Variants in ARHGAP15 observed in about 807,000 individuals in gnomAD.
The protein encoded by ARHGAP15 is rho GTPase-activating protein 15.
ARHGAP15 carries 51 observed loss-of-function variants against 63.7 expected under a neutral mutation model. The ratio of observed to expected loss-of-function variants is 0.80; its 90% CI spans 0.64 to 1.01. The LOEUF (loss-of-function observed/expected upper bound fraction) is 1.01, where lower values mean the gene tolerates loss of function less well. Among genes scored for constraint, ARHGAP15 ranks in the 50% least tolerant of loss-of-function variants. The pLI is 0.00. For missense variants in ARHGAP15, 560 were observed against 564.6 expected, an observed-to-expected ratio of 0.99 and a Z score of 0.08; for synonymous variants, 191 against 193.8, an observed-to-expected ratio of 0.99 and a Z score of 0.12.
intron 5 of ARHGAP15, chr2:143,237,888 T>C (rs1693716275): frequency 6.6e-6 from 1 of 152,208 alleles, no homozygotes; most frequent in African/African-American, 2.4e-5. Context: ...GTTTTTTATT[T>C]TACATTGTAC....
chr2:143,222,772 C>T (rs1365111413), intron 4 of ARHGAP15, among the ~76,000 whole-genome samples: 1 of 151,934 alleles, frequency 6.6e-6, no homozygotes, highest in African/African-American at 2.4e-5. Context: ...ATTTTTCCAA[C>T]TTCACAATTC....
At chr2:143,246,973 T>A (rs1371898914) in intron 5 of ARHGAP15, among the ~76,000 whole-genome samples, 7 of 152,182 alleles carry the variant, frequency 4.6e-5, no homozygotes, top group Non-Finnish European at 1.5e-5. Context: ...TGCCAGGTAC[T>A]GTGGAATTTG....
At chr2:143,228,452 G>A (rs1397243757) in intron 4 of ARHGAP15, 129 bp from the exon 5 acceptor site, 2 of 465,872 alleles carry the variant, frequency 4.3e-6, no homozygotes, top group Admixed American at 8.3e-5. Context: ...TTAATAAAGA[G>A]GAGACTTTTA....
rs1213736745 is a variant in ARHGAP15 at position 143,386,968 on chromosome 2, T to C, written c.475-48633T>C. Reference sequence around the variant, plus strand: ...GAGCTAAGTGATAAGAACTCATGGATACAAAGAGAAACAACAGACACTGAG... The same window carrying C: ...GAGCTAAGTGATAAGAACTCATGGACACAAAGAGAAACAACAGACACTGAG... On this transcript the variant is annotated intron_variant, in intron 6 of 13. Coordinates refer to ENST00000295095, the MANE Select transcript of ARHGAP15 (RefSeq NM_018460.4). 2.0e-5 allele frequency among the ~76,000 whole-genome samples: 3 copies of C among 152,082 alleles called. No homozygotes were observed. In the East Asian group the frequency reaches 5.8e-4, roughly 29 times the overall value.
chr2:143,659,186 T>C (rs1460272587), intron 12 of ARHGAP15, among the ~76,000 whole-genome samples: 2 of 152,198 alleles, frequency 1.3e-5, no homozygotes, highest in Non-Finnish European at 2.9e-5. Context: ...ATGTGACTTT[T>C]CTATCTTAAC....
chr2:143,471,626 C>T (rs914594756), intron 8 of ARHGAP15, among the ~76,000 whole-genome samples: 1 of 151,752 alleles, frequency 6.6e-6, no homozygotes, highest in African/African-American at 2.4e-5. Flanking sequence ...TGGGGACAGG[C>T]CTGAAGGAAG....
At chr2:143,449,552 C>T (rs548272647) in intron 8 of ARHGAP15, among the ~76,000 whole-genome samples, 75 of 152,112 alleles carry the variant, frequency 4.9e-4, no homozygotes, top group African/African-American at 1.6e-3. Context: ...TGAGCAGCAA[C>T]GTAGCTGTTT....
chr2:143,359,819 A>G, intron 6 of ARHGAP15, among the ~76,000 whole-genome samples: 1 of 152,234 alleles, frequency 6.6e-6, no homozygotes, highest in East Asian at 1.9e-4. Context: ...GACTACAATT[A>G]TATTTACAGA....
intron 6 of ARHGAP15, among the ~76,000 whole-genome samples, chr2:143,333,265 A>C (rs1027459413): frequency 2.0e-5 from 3 of 152,208 alleles, no homozygotes; most frequent in Non-Finnish European, 4.4e-5. Flanking sequence ...TACTTTCCTC[A>C]GTTAGACTGT....
chr2:143,277,843 A>G (rs1206084827), intron 6 of ARHGAP15, among the ~76,000 whole-genome samples: 1 of 152,124 alleles, frequency 6.6e-6, no homozygotes, highest in Non-Finnish European at 1.5e-5. Flanking sequence ...AGAAAAGTAC[A>G]GAGAATATTT....
At chr2:143,262,478 TTTTG>T (rs1680769900) in intron 6 of ARHGAP15, among the ~76,000 whole-genome samples, 1 of 151,778 alleles carries the variant, frequency 6.6e-6, no homozygotes, top group Non-Finnish European at 1.5e-5. Context: ...GTTTAGTCGG[TTTTG>T]TTTGTCTGAA....
intron 10 of ARHGAP15, among the ~76,000 whole-genome samples, chr2:143,542,160 G>A (rs148438350): frequency 0.022 from 3,378 of 152,280 alleles, 132 homozygotes; most frequent in African/African-American, 0.076. Flanking sequence ...CTTCGTGGGC[G>A]TAGGACCCTC....
intron 13 of ARHGAP15, among the ~76,000 whole-genome samples, chr2:143,754,038 G>T (rs10803498): frequency 0.18 from 26,658 of 151,944 alleles, 2,737 homozygotes; most frequent in East Asian, 0.45. Context: ...TGTAATTATT[G>T]TGCCAACATT....
chr2:143,337,809 C>T (rs1289686334), intron 6 of ARHGAP15, among the ~76,000 whole-genome samples: 1 of 152,046 alleles, frequency 6.6e-6, no homozygotes, highest in Non-Finnish European at 1.5e-5. Flanking sequence ...AGGTAGAATG[C>T]CATTGGCCTA....
intron 2 of ARHGAP15, among the ~76,000 whole-genome samples, chr2:143,173,246 T>G (rs1214638191): frequency 6.6e-6 from 1 of 152,104 alleles, no homozygotes; most frequent in Admixed American, 6.6e-5. Flanking sequence ...TACAAGTATT[T>G]TGGATATAAT....
At chr2:143,750,444 G>GA (rs953527961) in intron 13 of ARHGAP15, among the ~76,000 whole-genome samples, 329 of 148,930 alleles carry the variant, frequency 2.2e-3, no homozygotes, top group African/African-American at 6.6e-3. Context: ...TCAGTCTCAA[G>GA]AAAAAAAAAA....
intron 6 of ARHGAP15, among the ~76,000 whole-genome samples, chr2:143,310,880 T>A (rs1447752975): frequency 6.6e-6 from 1 of 152,048 alleles, no homozygotes; most frequent in Non-Finnish European, 1.5e-5. Context: ...ATTTTGGAAC[T>A]ATTTCATTAA....
intron 8 of ARHGAP15, among the ~76,000 whole-genome samples, chr2:143,452,646 G>A (rs1690459149): frequency 7.7e-6 from 1 of 130,670 alleles, no homozygotes; most frequent in Non-Finnish European, 1.6e-5. Context: ...CCTCAACTGT[G>A]GCCCCTTTGG....
At chr2:143,507,210 C>T (rs1693362330) in intron 9 of ARHGAP15, among the ~76,000 whole-genome samples, 1 of 152,078 alleles carries the variant, frequency 6.6e-6, no homozygotes, top group Non-Finnish European at 1.5e-5. Flanking sequence ...TCTTCATTCT[C>T]AATTAGTCCT....
Sources: allele counts gnomAD v4.1 joint callset (sites outside exome capture counted in the v4.1 genomes callset), GRCh38; gene constraint gnomAD v4.1.1; transcripts MANE v1.5; gene names NCBI Gene and HGNC (gene_info 2026-07-23, HGNC 2026-07-21).